The following SEMA3A variants were observed in gnomAD, a reference collection of about 807,000 sequenced individuals.
The protein encoded by SEMA3A is semaphorin 3A, also known as semaphorin-3A.
A neutral mutation model predicts 97.9 loss-of-function variants in SEMA3A; 29 were observed. The observed-to-expected ratio is 0.30, with a 90% CI of 0.22 to 0.40. The LOEUF (loss-of-function observed/expected upper bound fraction) is 0.40. Ranked by LOEUF, SEMA3A falls within the 10% of genes least tolerant of loss-of-function variation. The probability of loss-of-function intolerance (pLI) is 1.00; values close to 1 mark genes in which losing one functional copy is unlikely to be tolerated. For missense variants in SEMA3A, 763 were observed against 951.3 expected (o/e 0.80, Z 2.60); for synonymous variants, 321 against 323.7 (o/e 0.99, Z 0.09).
chr7:84,015,087 C>T lies in SEMA3A; in HGVS notation c.668-736G>A, dbSNP rs1791044845. 2.0e-5 allele frequency among the ~76,000 whole-genome samples: 3 copies of T among 152,160 alleles called. No individual in the cohort carries two copies. In the South Asian group the frequency reaches 6.2e-4, roughly 32 times the overall value. ...TCCACACGACAGCCAGAATGAACCT[C>T]CGCTCTCTCACTCCTTCTCCAAACT... On this transcript the variant is annotated intron_variant, in intron 6 of 16. Coordinates refer to ENST00000265362, the MANE Select transcript of SEMA3A (RefSeq NM_006080.3).
In SEMA3A at chr7:84,389,464, AT is replaced by A. The variant is rs570795622; in HGVS notation, c.-245-17565del. ...CATTTCCCCTTTTTGATTTTCAAGT[AT>A]GTAATTGCGTAACTCAACAGTATAC... On this transcript the variant is annotated intron_variant, in intron 1 of 3. Transcript: ENST00000424555. Among the ~76,000 whole-genome samples, 6 of 152,122 alleles carry A rather than the reference AT, an allele frequency of 3.9e-5. No individual in the cohort carries two copies. The East Asian group carries it at 1.2e-3, about 29-fold the overall frequency.
rs1208590252 is a variant in SEMA3A, at chr7:84,053,283, C to T, written c.548-6840G>A. Among the ~76,000 whole-genome samples, 5 of 107,548 alleles carry T rather than the reference C, an allele frequency of 4.6e-5. 1 individual carries two copies. Among genetic ancestry groups the T allele is most frequent in the African/African-American group, 1.1e-4 (4 of 36,000 alleles). The allele number at this position is 107,548 out of a possible 152,430, so 70.6% of individuals were successfully genotyped here. On this transcript the variant is annotated intron_variant, in intron 5 of 16. Transcript: ENST00000265362. ...GGGTATCCTTGTTGACTTTCTGTCTCGTTGATCTGTCTAATGTTGACAGTG... is the reference window on the plus strand; with the variant it reads ...GGGTATCCTTGTTGACTTTCTGTCTTGTTGATCTGTCTAATGTTGACAGTG...
intron 2 of SEMA3A, among the ~76,000 whole-genome samples, chr7:84,361,154 C>G (rs182689581): frequency 6.6e-6 from 1 of 152,068 alleles, no homozygotes; most frequent in African/African-American, 2.4e-5. Flanking sequence ...GAAAAATAAG[C>G]TAGTTTTCAC....
At chr7:84,134,466 C>T (rs1052296391) in intron 2 of SEMA3A, among the ~76,000 whole-genome samples, 1 of 152,160 alleles carries the variant, frequency 6.6e-6, no homozygotes, top group Non-Finnish European at 1.5e-5. Context: ...TACCTACACA[C>T]ATATAAATAG....
At chr7:84,005,624 A>T in intron 10 of SEMA3A, 66 bp from the exon 11 acceptor site, 2 of 1,090,478 alleles carry the variant, frequency 1.8e-6, no homozygotes, top group South Asian at 3.0e-5. Context: ...AAATTATATA[A>T]TAACACATGG....
At chr7:84,297,250 T>A (rs1282021451) in intron 3 of SEMA3A, among the ~76,000 whole-genome samples, 1 of 152,284 alleles carries the variant, frequency 6.6e-6, no homozygotes, top group Admixed American at 6.5e-5. Context: ...GTTCTGGGAT[T>A]ACAGGTGTGA....
chr7:84,069,288 A>T (rs1394649056), intron 4 of SEMA3A, among the ~76,000 whole-genome samples: 1 of 151,992 alleles, frequency 6.6e-6, no homozygotes, highest in African/African-American at 2.4e-5. Context: ...CACCCTTCTG[A>T]AATTCAGACT....
chr7:84,193,590 A>G (rs1209265770), intron 1 of SEMA3A, among the ~76,000 whole-genome samples: 5 of 152,066 alleles, frequency 3.3e-5, no homozygotes, highest in African/African-American at 1.2e-4. Context: ...CACTAAATGT[A>G]TGTATATCAT....
chr7:84,036,054 T>G (rs1791930097), intron 6 of SEMA3A, among the ~76,000 whole-genome samples: 1 of 152,092 alleles, frequency 6.6e-6, no homozygotes, highest in Admixed American at 6.6e-5. Context: ...AAAGGAAAGC[T>G]GCCTCATAAA....
chr7:84,432,094 A>C (rs1374201229), intron 1 of SEMA3A, among the ~76,000 whole-genome samples: 1 of 152,074 alleles, frequency 6.6e-6, no homozygotes, highest in Non-Finnish European at 1.5e-5. Flanking sequence ...TAAGTGAGGC[A>C]GAGTGATTTC....
At chr7:84,270,495 T>C (rs1800116562) in intron 3 of SEMA3A, among the ~76,000 whole-genome samples, 1 of 150,032 alleles carries the variant, frequency 6.7e-6, no homozygotes, top group Non-Finnish European at 1.5e-5. Flanking sequence ...TATCTTTTTC[T>C]TTCTTTCTCT....
chr7:84,328,113 C>T (rs370356386), intron 2 of SEMA3A, among the ~76,000 whole-genome samples: 1 of 151,860 alleles, frequency 6.6e-6, no homozygotes, highest in Non-Finnish European at 1.5e-5. Context: ...TTCTTTTGTA[C>T]AAATAAGTTT....
intron 4 of SEMA3A, among the ~76,000 whole-genome samples, chr7:84,087,532 T>G (rs1442829967): frequency 2.0e-5 from 3 of 152,112 alleles, no homozygotes; most frequent in Non-Finnish European, 4.4e-5. Flanking sequence ...TTCACAATAT[T>G]CATGTAATTT....
At chr7:84,400,055 T>G (rs1427982076) in intron 1 of SEMA3A, among the ~76,000 whole-genome samples, 1 of 152,200 alleles carries the variant, frequency 6.6e-6, no homozygotes, top group Non-Finnish European at 1.5e-5. Flanking sequence ...CTGCAAGAGT[T>G]GCAGCATATT....
Position 84,046,318 on chromosome 7 carries a change from AC to A in SEMA3A, c.667+5del. 6.2e-7 allele frequency: 1 copy of A among 1,612,456 alleles called. No homozygotes were observed. The highest frequency in any genetic ancestry group is 8.5e-7 in the Non-Finnish European group (1 of 1,179,082). On this transcript the variant is annotated splice_donor_5th_base_variant and intron_variant, in intron 6 of 16. Transcript: ENST00000265362. ...ACATGTCTATGTTCTTTCATAAACCACCTACCATTGAGCCACCTGGAATCAT... is the reference window on the plus strand; with the variant it reads ...ACATGTCTATGTTCTTTCATAAACCACTACCATTGAGCCACCTGGAATCAT...
intron 4 of SEMA3A, among the ~76,000 whole-genome samples, chr7:84,064,052 C>A (rs1374131683): frequency 2.6e-5 from 4 of 152,146 alleles, no homozygotes; most frequent in Non-Finnish European, 5.9e-5. Flanking sequence ...GGAAGCCCAT[C>A]AGACTAACAG....
chr7:84,255,657 A>T (rs2115633935), intron 3 of SEMA3A, among the ~76,000 whole-genome samples: 1 of 152,194 alleles, frequency 6.6e-6, no homozygotes, highest in Admixed American at 6.5e-5. Flanking sequence ...CATTGATTGC[A>T]AAAGTCTTAT....
In SEMA3A at chr7:84,020,035, C is replaced by CTTTTTTTTTTTT. The variant is rs781108685; in HGVS notation, c.668-5696_668-5685dup. Reference sequence around the variant, plus strand: ...AATATTGTTAATGATTTTTTTCTTTCTTTTTTTTTTTTTTTTTTTTTTTTT... The same window carrying CTTTTTTTTTTTT: ...AATATTGTTAATGATTTTTTTCTTTCTTTTTTTTTTTTTTTTTTTTTTTTTTTTTTTTTTTTT... On this transcript the variant is annotated intron_variant, in intron 6 of 16. Coordinates refer to ENST00000265362, the MANE Select transcript of SEMA3A (RefSeq NM_006080.3). Among the ~76,000 whole-genome samples the CTTTTTTTTTTTT allele has an allele frequency of 3.4e-4, 20 of 58,258 alleles. 6 individuals are homozygous for CTTTTTTTTTTTT. Among genetic ancestry groups the CTTTTTTTTTTTT allele is most frequent in the Admixed American group, 1.6e-3 (6 of 3,688 alleles). The allele number at this position is 58,258 out of a possible 152,430, so 38.2% of individuals were successfully genotyped here.
Position 84,313,344 on chromosome 7 carries a change from A to AT in SEMA3A, c.-168-6053dup, listed in dbSNP as rs1355533577. Among the ~76,000 whole-genome samples, 6 of 41,894 alleles carry AT rather than the reference A, an allele frequency of 1.4e-4. No individual in the cohort carries two copies. In the East Asian group the frequency reaches 2.6e-3, roughly 18 times the overall value. The allele number at this position is 41,894 out of a possible 152,430, so 27.5% of individuals were successfully genotyped here. On this transcript the variant is annotated intron_variant, in intron 2 of 3. Coordinates refer to the SEMA3A transcript ENST00000424555. ...GTATATAATACATATATATATATGT[A>AT]TATGTGTGTGTGTATATATATATAT...
Sources: gnomAD v4.1 joint callset for allele counts (sites outside exome capture counted in the v4.1 genomes callset) on GRCh38, gnomAD v4.1.1 for gene constraint, MANE v1.5 for transcripts, NCBI Gene and HGNC (gene_info 2026-07-23, HGNC 2026-07-21) for gene names.